CHN2: variants seen among roughly 807,000 people sequenced by gnomAD.
The protein encoded by CHN2 is beta-chimaerin.
Under a neutral mutation model 56.3 loss-of-function variants are expected in CHN2, and 35 were observed. The observed-to-expected ratio is 0.62, with a 90% CI of 0.47 to 0.82. The LOEUF is 0.82. Among genes scored for constraint, CHN2 ranks in the 40% least tolerant of loss-of-function variants. The pLI is 0.00. For synonymous variants in CHN2, 210 were observed against 212.8 expected (o/e 0.99, Z 0.12); for missense variants, 491 against 580.5 (o/e 0.85, Z 1.58).
chr7:29,323,853 A>C (rs1476809430), intron 1 of CHN2, among the ~76,000 whole-genome samples: 1 of 144,262 alleles, frequency 6.9e-6, no homozygotes. Context: ...GATACAGAAA[A>C]AATAGCCGGG....
At chr7:29,436,974 C>G (rs1033743768) in intron 6 of CHN2, among the ~76,000 whole-genome samples, 29 of 150,430 alleles carry the variant, frequency 1.9e-4, no homozygotes, top group East Asian at 7.8e-4. Flanking sequence ...AAAATTTACT[C>G]TTTGATCTTA....
intron 6 of CHN2, among the ~76,000 whole-genome samples, chr7:29,424,586 C>T (rs1014679551): frequency 2.6e-5 from 4 of 152,202 alleles, no homozygotes; most frequent in Non-Finnish European, 5.9e-5. Context: ...ATTGGCAGTG[C>T]ACAGGCCACA....
At chr7:29,146,786 GT>G in intron 1 of CHN2, 1 of 1,549,162 alleles carries the variant, frequency 6.5e-7, no homozygotes, top group Non-Finnish European at 8.7e-7. Flanking sequence ...TTGTCTCCCA[GT>G]TTTTAAAAGC....
intron 1 of CHN2, among the ~76,000 whole-genome samples, chr7:29,327,845 T>TAATTTAAAAATAACA (rs1795931057): frequency 2.0e-5 from 3 of 152,258 alleles, no homozygotes; most frequent in Non-Finnish European, 4.4e-5. Context: ...GTTTGGTCTT[T>TAATTTAAAAATAACA]GCACTTATTT....
At chr7:29,351,790 C>T (rs1797905372) in intron 1 of CHN2, among the ~76,000 whole-genome samples, 1 of 152,024 alleles carries the variant, frequency 6.6e-6, no homozygotes, top group African/African-American at 2.4e-5. Context: ...CGGGCAGGCT[C>T]CCAGTGATGC....
chr7:29,271,543 G>A (rs1046273037), intron 1 of CHN2, among the ~76,000 whole-genome samples: 1 of 152,176 alleles, frequency 6.6e-6, no homozygotes, highest in African/African-American at 2.4e-5. Context: ...GCCCATCCAG[G>A]AAACACAGGA....
chr7:29,494,363 A>G (rs962021396), intron 7 of CHN2, among the ~76,000 whole-genome samples: 10 of 152,010 alleles, frequency 6.6e-5, no homozygotes, highest in Admixed American at 1.3e-4. Context: ...CTTTGCTGCC[A>G]TAATTAAGAG....
At chr7:29,192,747 T>C (rs1562818837), upstream of CHN2, 2 of 152,072 alleles carry the variant, frequency 1.3e-5, no homozygotes, top group Non-Finnish European at 2.9e-5. Flanking sequence ...GCTCAGTAGG[T>C]CTAAGTAATT....
At chr7:29,194,279 A>G (rs1584680876), upstream of CHN2, 1 of 120,210 alleles carries the variant, frequency 8.3e-6, no homozygotes, top group Non-Finnish European at 1.7e-5. Context: ...CGGCCTCCCC[A>G]GCACCCCGGG....
chr7:29,284,917 C>T (rs1038137581), intron 1 of CHN2, among the ~76,000 whole-genome samples: 2 of 152,202 alleles, frequency 1.3e-5, no homozygotes, highest in African/African-American at 2.4e-5. Context: ...TCTTCAGAGA[C>T]GTCATCTCAA....
At chr7:29,191,176 C>G (rs1183347503), upstream of CHN2, among the ~76,000 whole-genome samples, 1 of 152,148 alleles carries the variant, frequency 6.6e-6, no homozygotes, top group East Asian at 1.9e-4. Context: ...AAGGGATCCT[C>G]CCACCTCAAC....
At chr7:29,197,960 G>C (rs1385216714) in intron 1 of CHN2, 1 of 456,168 alleles carries the variant, frequency 2.2e-6, no homozygotes, top group Non-Finnish European at 4.4e-6. Flanking sequence ...AGAGAGAAGA[G>C]CTTAGGTAAA....
intron 6 of CHN2, among the ~76,000 whole-genome samples, chr7:29,446,141 G>A (rs1300552735): frequency 6.6e-6 from 1 of 152,102 alleles, no homozygotes; most frequent in Non-Finnish European, 1.5e-5. Flanking sequence ...GGTGATTTCA[G>A]TGTACACCCA....
At chr7:29,318,813 T>G (rs886755124) in intron 1 of CHN2, among the ~76,000 whole-genome samples, 1 of 152,198 alleles carries the variant, frequency 6.6e-6, no homozygotes, top group African/African-American at 2.4e-5. Flanking sequence ...CAAGGAACAT[T>G]ATAGTTTGGG....
intron 4 of CHN2, chr7:29,397,073 A>G (rs1801816658): frequency 6.6e-6 from 1 of 152,264 alleles, no homozygotes; most frequent in Non-Finnish European, 1.5e-5. Context: ...GTTGAGATTT[A>G]AAATCAAAAT....
chr7:29,268,723 G>A (rs562969831), intron 1 of CHN2, among the ~76,000 whole-genome samples: 6 of 152,300 alleles, frequency 3.9e-5, no homozygotes, highest in Admixed American at 2.6e-4. Flanking sequence ...GGCCCTGCAC[G>A]AGGCACAGCT....
chr7:29,152,418 C>T (rs1793718927), intron 2 of CHN2, among the ~76,000 whole-genome samples: 1 of 152,148 alleles, frequency 6.6e-6, no homozygotes, highest in Non-Finnish European at 1.5e-5. Flanking sequence ...TCTCTATTCT[C>T]AGTTCCTGGC....
chr7:29,480,332 T>C lies in CHN2; in HGVS notation c.630T>C (p.Asn210=). Residue 210 remains asparagine (N), a synonymous_variant, in exon 7 of 13, where the codon AAT becomes AAC. Coordinates refer to ENST00000222792, the MANE Select transcript of CHN2 (RefSeq NM_004067.4). The stretch of plus-strand genomic sequence containing the variant: ...TCACACACAACGACAACCACTTCAA[T>C]TATGAGAAGACACACAACTTTAAGG... ...AALTHNDNHF[N]YEKTHNFKVH... The C allele has an allele frequency of 6.2e-7, 1 of 1,614,160 alleles. No homozygotes were observed. Among genetic ancestry groups the C allele is most frequent in the Non-Finnish European group, 8.5e-7 (1 of 1,180,018 alleles).
rs1434882234 is a variant in CHN2, at chr7:29,197,919, G to A, written c.49+2929G>A. The stretch of plus-strand genomic sequence containing the variant: ...TTGAAAGCTGAGTAGAATTTTTCCG[G>A]AAAACAAATGGAGAAAAAGACATTT... On this transcript the variant is annotated intron_variant, in intron 1 of 12. Transcript: ENST00000222792. 13 of 456,208 alleles carry A rather than the reference G, an allele frequency of 2.8e-5. No homozygotes were observed. The East Asian group carries it at 9.0e-4, about 32-fold the overall frequency. 28.3% of individuals were successfully genotyped at this position (456,208 alleles called of 1,614,324 possible). A position where few individuals can be genotyped will look rare whatever the true frequency, so the allele number is the denominator to read the frequency against.
Sources: allele counts gnomAD v4.1 joint callset (sites outside exome capture counted in the v4.1 genomes callset), GRCh38; gene constraint gnomAD v4.1.1; transcripts MANE v1.5; gene names NCBI Gene and HGNC (gene_info 2026-07-23, HGNC 2026-07-21).